OTULIN: variants seen among roughly 807,000 people sequenced by gnomAD.
The protein encoded by OTULIN is ubiquitin thioesterase otulin.
In OTULIN, 15 loss-of-function variants were observed where a neutral mutation model predicts 39.6. The observed-to-expected ratio is 0.38, with a 90% confidence interval of 0.25 to 0.58. The LOEUF is 0.58. Among genes scored for constraint, OTULIN ranks in the 20% least tolerant of loss-of-function variants. OTULIN has a pLI of 0.66. For synonymous variants in OTULIN, 156 were observed against 170.3 expected, an observed-to-expected ratio of 0.92 and a Z score of 0.65; for missense variants, 319 against 445.9, an observed-to-expected ratio of 0.72 and a Z score of 2.56.
At chr5:14,667,933 T>C (rs1735891279) in intron 1 of OTULIN, among the ~76,000 whole-genome samples, 1 of 152,196 alleles carries the variant, frequency 6.6e-6, no homozygotes, top group Non-Finnish European at 1.5e-5. Context: ...ATCTGACTCC[T>C]GCTGATCTGG....
At chr5:14,705,743 C>G in the OTULIN span, 1 of 152,896 alleles carries the variant, frequency 6.5e-6, no homozygotes, top group Non-Finnish European at 1.5e-5. Context: ...TGCACGGTGA[C>G]ATGACCATCG....
intron 1 of OTULIN, among the ~76,000 whole-genome samples, chr5:14,672,590 G>A (rs530657018): frequency 2.0e-5 from 3 of 152,250 alleles, no homozygotes; most frequent in East Asian, 1.9e-4. Flanking sequence ...TGAGGCAGGA[G>A]TATGGGGAAT....
At position 14,690,620 on chromosome 5, in the gene OTULIN, T is replaced by TA. The variant is rs1285429720; in HGVS notation, c.864+313dup. Among the ~76,000 whole-genome samples, 1 of 152,142 alleles carries TA rather than the reference T, an allele frequency of 6.6e-6. No individual in the cohort carries two copies. The highest frequency in any genetic ancestry group is 1.5e-5 in the Non-Finnish European group (1 of 68,010). On this transcript the variant is annotated intron_variant, in intron 6 of 6. Coordinates refer to ENST00000284274, the MANE Select transcript of OTULIN (RefSeq NM_138348.6). This position sits in a 1 kb window ranked among gnomAD's most constrained non-coding sequence, Gnocchi z 4.5. The stretch of plus-strand genomic sequence containing the variant: ...CTCCACAGGGCTGCTTGAGTGTCCT[T>TA]ACAACATGGCAGCTGGCTTCTCAGA...
At chr5:14,710,168 G>GAGTT in the OTULIN span, 6 of 152,222 alleles carry the variant, frequency 3.9e-5, no homozygotes, top group Non-Finnish European at 8.8e-5. Flanking sequence ...CTGTACCGCA[G>GAGTT]AGTTATGACT....
downstream of OTULIN, chr5:14,704,723 A>G (rs1269348378): frequency 6.6e-6 from 1 of 152,194 alleles, no homozygotes; most frequent in Non-Finnish European, 1.5e-5. Context: ...AATCAGGATT[A>G]GGAAACCAAG....
intron 4 of OTULIN, among the ~76,000 whole-genome samples, chr5:14,685,392 C>T (rs1197062459): frequency 1.3e-5 from 2 of 152,154 alleles, no homozygotes; most frequent in African/African-American, 4.8e-5. Flanking sequence ...TGGTTTCTTG[C>T]TTAAATTTTC....
intron 4 of OTULIN, 96 bp from the exon 5 acceptor site, chr5:14,687,425 G>T: frequency 3.6e-6 from 5 of 1,406,038 alleles, no homozygotes; most frequent in Non-Finnish European, 4.8e-6. Context: ...ACAAAGTTAG[G>T]TTTTATAGAC....
chr5:14,686,202 T>C (rs139002230), intron 4 of OTULIN, among the ~76,000 whole-genome samples: 4 of 152,368 alleles, frequency 2.6e-5, no homozygotes, highest in African/African-American at 9.6e-5. Context: ...AAGGGTCTTT[T>C]AGTCTTACAT....
At chr5:14,704,159 G>T (rs10075094), downstream of OTULIN, among the ~76,000 whole-genome samples, 1 of 151,588 alleles carries the variant, frequency 6.6e-6, no homozygotes, top group Non-Finnish European at 1.5e-5. Context: ...GTGAAACCCC[G>T]TCTCTACTAA....
intron 2 of OTULIN, among the ~76,000 whole-genome samples, chr5:14,675,367 C>T (rs560017860): frequency 1.3e-5 from 2 of 152,292 alleles, no homozygotes; most frequent in South Asian, 2.1e-4. Flanking sequence ...TTTTATAATA[C>T]TTCTTGAGCC....
At chr5:14,670,798 G>T (rs2126814127) in intron 1 of OTULIN, among the ~76,000 whole-genome samples, 1 of 151,814 alleles carries the variant, frequency 6.6e-6, no homozygotes, top group Middle Eastern at 3.4e-3. Context: ...TAGAGGCGGG[G>T]TCTTGCTTTA....
Position 14,690,239 on chromosome 5 carries a change from A to T in OTULIN, c.795A>T (p.Thr265=). 6.2e-7 allele frequency: 1 copy of T among 1,614,220 alleles called. No individual in the cohort carries two copies. The change falls in exon 6 of 7, where the codon ACA becomes ACT. Residue 265 remains threonine, a synonymous_variant. Coordinates refer to ENST00000284274, the MANE Select transcript of OTULIN (RefSeq NM_138348.6). The surrounding 1 kb of genome is among the most constrained non-coding windows in gnomAD (Gnocchi z 4.5). The part of the protein sequence containing the change: ...FFSVLLFARD[T]SNDPGQLLRN... ...CTGTGCTTCTGTTTGCTCGGGACACATCAAATGACCCAGGACAGCTTCTGA... is the reference window on the plus strand; with the variant it reads ...CTGTGCTTCTGTTTGCTCGGGACACTTCAAATGACCCAGGACAGCTTCTGA...
At chr5:14,678,594 G>T in intron 2 of OTULIN, 87 bp from the exon 3 acceptor site, 1 of 928,412 alleles carries the variant, frequency 1.1e-6, no homozygotes, top group South Asian at 1.9e-5. Flanking sequence ...AGAAAATGAA[G>T]AGTGAAGGGT....
At chr5:14,711,618 C>T in the OTULIN span, among the ~76,000 whole-genome samples, 24 of 152,196 alleles carry the variant, frequency 1.6e-4, no homozygotes, top group African/African-American at 5.8e-4. Context: ...GCGCTCTCCC[C>T]GACTCCTCAC....
chr5:14,666,583 T>C (rs553037612), intron 1 of OTULIN, among the ~76,000 whole-genome samples: 3 of 152,304 alleles, frequency 2.0e-5, no homozygotes, highest in Non-Finnish European at 2.9e-5. Context: ...TCACTTTTTT[T>C]CCCCCCTTGG....
rs143967519 is a variant in OTULIN at position 14,696,259 on chromosome 5, A to G, written c.*3211A>G. On this transcript the variant is annotated 3_prime_UTR_variant, in exon 7 of 7. Coordinates refer to ENST00000284274, the MANE Select transcript of OTULIN (RefSeq NM_138348.6). ...GCACTTCTGCCATCTCAGCATCTAC[A>G]TAGGACTTACATAGACTTCCTGAAT... 13 of 152,360 alleles carry G rather than the reference A, an allele frequency of 8.5e-5. No individual in the cohort carries two copies. Among genetic ancestry groups the G allele is most frequent in the African/African-American group, 3.1e-4 (13 of 41,578 alleles). The allele number at this position is 152,360 out of a possible 1,614,324, so 9.4% of individuals were successfully genotyped here.
At chr5:14,712,056 A>C in the OTULIN span, among the ~76,000 whole-genome samples, 18 of 152,258 alleles carry the variant, frequency 1.2e-4, no homozygotes, top group Admixed American at 9.8e-4. Context: ...CTCAGTAATG[A>C]CCATCATTTC....
In OTULIN at chr5:14,693,281, C is replaced by T; in HGVS notation, c.*233C>T. ...TTCAGTGGGGGCCTTCAGAGCACAC[C>T]TGTTGGACGGTGCAAACCATATCTT... is the stretch of plus-strand genomic sequence containing the variant. On this transcript the variant is annotated 3_prime_UTR_variant, in exon 7 of 7. Transcript: ENST00000284274. 4.3e-6 allele frequency: 2 copies of T among 465,168 alleles called. No individual in the cohort carries two copies. The highest frequency in any genetic ancestry group is 4.1e-5 in the South Asian group (1 of 24,218). 28.8% of individuals were successfully genotyped at this position (465,168 alleles called of 1,614,324 possible).
chr5:14,715,257 G>C, the OTULIN span, among the ~76,000 whole-genome samples: 1 of 152,290 alleles, frequency 6.6e-6, no homozygotes, highest in East Asian at 1.9e-4. Flanking sequence ...TTAGCCTCCT[G>C]AGTAGCTGGG....
Sources: allele counts gnomAD v4.1 joint callset (sites outside exome capture counted in the v4.1 genomes callset), GRCh38; gene constraint gnomAD v4.1.1; non-coding constraint Gnocchi (gnomAD v3.1); transcripts MANE v1.5; gene names NCBI Gene and HGNC (gene_info 2026-07-23, HGNC 2026-07-21).